Variants in SAP130 observed in about 807,000 individuals in gnomAD.
SAP130 encodes the protein histone deacetylase complex subunit SAP130.
In SAP130, 16 loss-of-function variants were observed where a neutral mutation model predicts 103.2. The ratio of observed to expected loss-of-function variants is 0.16; its 90% CI spans 0.10 to 0.24. The LOEUF is 0.24. Ranked by LOEUF, SAP130 falls within the 10% of genes least tolerant of loss-of-function variation. The pLI is 1.00. For missense variants in SAP130, 990 were observed against 1,359.7 expected (o/e 0.73, Z 4.28); for synonymous variants, 477 against 497.0 (o/e 0.96, Z 0.53).
rs565463481 is a variant in SAP130 at position 128,026,248 on chromosome 2, C to A, written c.45G>T (p.Gly15=). The A allele has an allele frequency of 6.2e-7, 1 of 1,614,104 alleles. No homozygotes were observed. The highest frequency in any genetic ancestry group is 1.7e-5 in the Admixed American group (1 of 60,006). ...CAATCTGAGAAGGGGCCTGGCTCAG[C>A]CCGGTAGAAGGGGCTCCTAACCGAG... ...QFPRLGAPST[G]LSQAPSQIAN... Residue 15 remains glycine (G), a synonymous_variant, in exon 2 of 21, where the codon GGG becomes GGT. Coordinates refer to ENST00000643581, the MANE Select transcript of SAP130 (RefSeq NM_001330301.2).
chr2:128,004,373 T>C (rs1280213683), intron 7 of SAP130, among the ~76,000 whole-genome samples: 2 of 144,662 alleles, frequency 1.4e-5, no homozygotes, highest in Admixed American at 6.9e-5. Flanking sequence ...TTTTTTTTTT[T>C]TTTTTTTTTT....
At chr2:127,948,069 C>T (rs544366842) in intron 18 of SAP130, among the ~76,000 whole-genome samples, 3 of 152,168 alleles carry the variant, frequency 2.0e-5, no homozygotes, top group East Asian at 1.9e-4. Context: ...GGATTACAGG[C>T]GTGAGTCACC....
chr2:127,981,911 T>G (rs1156338126), intron 14 of SAP130, among the ~76,000 whole-genome samples: 2 of 152,128 alleles, frequency 1.3e-5, no homozygotes, highest in Admixed American at 6.5e-5. Flanking sequence ...TAAGGGGGGC[T>G]GCCTCCTCTA....
At chr2:127,965,261 C>T (rs1235838940) in intron 15 of SAP130, among the ~76,000 whole-genome samples, 1 of 152,156 alleles carries the variant, frequency 6.6e-6, no homozygotes, top group Non-Finnish European at 1.5e-5. Flanking sequence ...TGCGCCACTG[C>T]ACTCCAGCCT....
intron 14 of SAP130, among the ~76,000 whole-genome samples, chr2:127,982,988 C>T (rs1370705824): frequency 7.2e-5 from 11 of 152,104 alleles, no homozygotes; most frequent in Non-Finnish European, 1.2e-4. Context: ...AGCTTATGTG[C>T]TAAGTGCCCA....
chr2:127,950,643 T>G (rs1397881014), intron 16 of SAP130, among the ~76,000 whole-genome samples: 2 of 152,208 alleles, frequency 1.3e-5, no homozygotes, highest in Non-Finnish European at 2.9e-5. Flanking sequence ...AAGGACACAA[T>G]GATATTCAGC....
intron 11 of SAP130, among the ~76,000 whole-genome samples, chr2:127,995,643 A>C (rs1683129056): frequency 1.3e-5 from 2 of 152,192 alleles, no homozygotes; most frequent in African/African-American, 4.8e-5. Context: ...GCCAGGAATT[A>C]ATAATAGATC....
At chr2:128,009,220 A>G (rs985954700) in intron 7 of SAP130, among the ~76,000 whole-genome samples, 1 of 152,082 alleles carries the variant, frequency 6.6e-6, no homozygotes, top group African/African-American at 2.4e-5. Context: ...TCATGCCTAT[A>G]ATCCCAGCAC....
intron 7 of SAP130, among the ~76,000 whole-genome samples, chr2:128,003,956 G>GTTTT (rs1559088445): frequency 1.9e-5 from 1 of 53,090 alleles, no homozygotes; most frequent in African/African-American, 6.9e-5. Context: ...CCACAGATCA[G>GTTTT]CTTTTTTTTT....
chr2:127,964,106 G>A (rs1411057977), intron 15 of SAP130, among the ~76,000 whole-genome samples: 1 of 152,110 alleles, frequency 6.6e-6, no homozygotes, highest in African/African-American at 2.4e-5. Context: ...GAGGCAGGAC[G>A]ATGACCTGAG....
At chr2:127,975,220 T>C (rs1681373381) in intron 15 of SAP130, among the ~76,000 whole-genome samples, 2 of 152,260 alleles carry the variant, frequency 1.3e-5, no homozygotes, top group Admixed American at 1.3e-4. Flanking sequence ...CATGTAGTTG[T>C]GTTGCTCTGG....
intron 15 of SAP130, among the ~76,000 whole-genome samples, chr2:127,963,080 A>G (rs1680374543): frequency 6.6e-6 from 1 of 152,002 alleles, no homozygotes; most frequent in African/African-American, 2.4e-5. Context: ...CATTTCTGGC[A>G]GTTATTTATA....
rs146081233 is a variant in SAP130 at position 127,989,990 on chromosome 2, AAAAT to A, written c.1478-128_1478-125del. 183 of 838,994 alleles carry A rather than the reference AAAAT, an allele frequency of 2.2e-4. 1 individual carries two copies. In the African/African-American group the frequency reaches 2.6e-3, roughly 12 times the overall value. The allele number at this position is 838,994 out of a possible 1,614,324, so 52.0% of individuals were successfully genotyped here. ...AAGATCTAAATCCATGGTTTGAAAAAAAATAAATAAATAAACATTGTTACTTGAA... is the reference window on the plus strand; with the variant it reads ...AAGATCTAAATCCATGGTTTGAAAAAAAATAAATAAACATTGTTACTTGAA... On this transcript the variant is annotated intron_variant, in intron 12 of 20. Transcript: ENST00000643581. This position sits in a 1 kb window ranked among gnomAD's most constrained non-coding sequence, Gnocchi z 4.6.
intron 15 of SAP130, among the ~76,000 whole-genome samples, chr2:127,969,011 C>T (rs980093098): frequency 2.6e-5 from 4 of 152,166 alleles, no homozygotes; most frequent in African/African-American, 9.7e-5. Context: ...ATTTATCTTT[C>T]CCCTTATTGA....
chr2:127,944,668 T>C lies in SAP130; in HGVS notation c.2901+788A>G, dbSNP rs1678946441. Among the ~76,000 whole-genome samples the C allele has an allele frequency of 2.6e-5, 4 of 152,188 alleles. No homozygotes were observed. In the South Asian group the frequency reaches 8.3e-4, roughly 32 times the overall value. On this transcript the variant is annotated intron_variant, in intron 19 of 20. Coordinates refer to ENST00000643581, the MANE Select transcript of SAP130 (RefSeq NM_001330301.2). ...GTCTCGAACTCCTGACCTCGTGATC[T>C]GTCCACCTCGGCCTCCCAAAGTGCT...
chr2:127,981,893 A>G (rs1283950103), intron 14 of SAP130, among the ~76,000 whole-genome samples: 1 of 152,034 alleles, frequency 6.6e-6, no homozygotes, highest in Non-Finnish European at 1.5e-5. Flanking sequence ...AAACCCTGCT[A>G]TAGTCTGTAA....
intron 15 of SAP130, among the ~76,000 whole-genome samples, chr2:127,970,897 C>T (rs1005504552): frequency 6.6e-6 from 1 of 152,062 alleles, no homozygotes; most frequent in Admixed American, 6.6e-5. Flanking sequence ...TGATATGACG[C>T]ATGCTTGGTC....
intron 15 of SAP130, among the ~76,000 whole-genome samples, chr2:127,966,276 T>G (rs1399447842): frequency 6.7e-6 from 1 of 149,966 alleles, no homozygotes; most frequent in Non-Finnish European, 1.5e-5. Context: ...ACCTGCGAGG[T>G]GGAGGTTGCA....
At chr2:127,961,567 A>C (rs903102411) in intron 15 of SAP130, among the ~76,000 whole-genome samples, 1 of 146,106 alleles carries the variant, frequency 6.8e-6, no homozygotes, top group African/African-American at 2.5e-5. Context: ...ACTTGTAACC[A>C]TATTTTATTT....
Sources: gnomAD v4.1 joint callset for allele counts (sites outside exome capture counted in the v4.1 genomes callset) on GRCh38, gnomAD v4.1.1 for gene constraint, Gnocchi (gnomAD v3.1) non-coding constraint, MANE v1.5 for transcripts, NCBI Gene and HGNC (gene_info 2026-07-23, HGNC 2026-07-21) for gene names.